The following C1QTNF3 variants were observed in gnomAD, a reference collection of about 807,000 sequenced individuals.
C1QTNF3 encodes the protein complement C1q tumor necrosis factor-related protein 3.
C1QTNF3 carries 26 observed loss-of-function variants against 32.6 expected under a neutral mutation model. The observed-to-expected ratio is 0.80, with a 90% confidence interval of 0.58 to 1.11. The LOEUF (loss-of-function observed/expected upper bound fraction) is 1.11. Among genes scored for constraint, C1QTNF3 ranks in the 50% least tolerant of loss-of-function variants. C1QTNF3 has a pLI of 0.00. For missense variants in C1QTNF3, 362 were observed against 398.2 expected, an observed-to-expected ratio of 0.91 and a Z score of 0.77; for synonymous variants, 155 against 146.0, an observed-to-expected ratio of 1.06 and a Z score of -0.44.
chr5:34,131,138 C>T, the C1QTNF3 span, among the ~76,000 whole-genome samples: 2 of 152,192 alleles, frequency 1.3e-5, no homozygotes, highest in Non-Finnish European at 2.9e-5. Context: ...GTCCCTACTT[C>T]TAAAATATAA....
chr5:34,210,871 T>A, the C1QTNF3 span, among the ~76,000 whole-genome samples: 1 of 152,130 alleles, frequency 6.6e-6, no homozygotes, highest in Non-Finnish European at 1.5e-5. Flanking sequence ...ACAGAATGTA[T>A]AACAATATAC....
the C1QTNF3 span, among the ~76,000 whole-genome samples, chr5:34,204,416 A>G: frequency 6.6e-6 from 1 of 152,256 alleles, no homozygotes; most frequent in Admixed American, 6.5e-5. Context: ...TCAGCTATAC[A>G]AAAGAATAAA....
chr5:34,223,617 C>A, the C1QTNF3 span, among the ~76,000 whole-genome samples: 3 of 151,934 alleles, frequency 2.0e-5, no homozygotes, highest in Non-Finnish European at 2.9e-5. Flanking sequence ...AATGGTCGAA[C>A]TAGTTTACAG....
the C1QTNF3 span, among the ~76,000 whole-genome samples, chr5:34,067,538 G>A: frequency 6.6e-6 from 1 of 152,160 alleles, no homozygotes; most frequent in East Asian, 1.9e-4. Context: ...TTGTGCAGGG[G>A]AATTCATCTT....
the C1QTNF3 span, among the ~76,000 whole-genome samples, chr5:34,226,207 T>C: frequency 0.031 from 4,766 of 151,984 alleles, 261 homozygotes; most frequent in African/African-American, 0.11. Context: ...ACCAAAAGCA[T>C]TGCTCCTTCA....
chr5:34,205,372 T>C, the C1QTNF3 span, among the ~76,000 whole-genome samples: 5 of 152,314 alleles, frequency 3.3e-5, no homozygotes, highest in African/African-American at 9.6e-5. Context: ...CTCAAACCTC[T>C]TGTCCAATTG....
the C1QTNF3 span, among the ~76,000 whole-genome samples, chr5:34,065,485 G>GCT: frequency 6.6e-6 from 1 of 152,088 alleles, no homozygotes; most frequent in African/African-American, 2.4e-5. Context: ...TGACCAACAA[G>GCT]GTGAAACCCC....
chr5:34,033,067 AG>A (rs1351337401), intron 3 of C1QTNF3: 14 of 447,010 alleles, frequency 3.1e-5, no homozygotes, highest in Middle Eastern at 5.6e-4. Flanking sequence ...TGGTTCTATG[AG>A]GGACTTAGAT....
At chr5:34,024,285 G>A (rs377300853) in intron 4 of C1QTNF3, 47 of 313,044 alleles carry the variant, frequency 1.5e-4, no homozygotes, top group African/African-American at 9.4e-4. Context: ...CTTGTACCCT[G>A]ACAAAGTGCT....
the C1QTNF3 span, among the ~76,000 whole-genome samples, chr5:34,216,077 G>T: frequency 2.0e-5 from 3 of 152,156 alleles, no homozygotes; most frequent in Admixed American, 2.0e-4. Flanking sequence ...TAACTGTGTG[G>T]ATAGTAAAAC....
the C1QTNF3 span, among the ~76,000 whole-genome samples, chr5:34,084,823 C>G: frequency 8.2e-6 from 1 of 122,198 alleles, no homozygotes; most frequent in Admixed American, 8.4e-5. Context: ...TTTTTCTGTG[C>G]AGAAGCTCTT....
At chr5:34,156,709 GA>G in the C1QTNF3 span, among the ~76,000 whole-genome samples, 1 of 152,058 alleles carries the variant, frequency 6.6e-6, no homozygotes, top group Non-Finnish European at 1.5e-5. Flanking sequence ...GTTGTGGGGG[GA>G]AATTATTGAC....
chr5:34,236,690 T>G, the C1QTNF3 span, among the ~76,000 whole-genome samples: 2 of 148,394 alleles, frequency 1.3e-5, no homozygotes, highest in Non-Finnish European at 3.0e-5. Context: ...TTCTCCTGCC[T>G]TAGCCTCCTG....
the C1QTNF3 span, among the ~76,000 whole-genome samples, chr5:34,163,279 C>T: frequency 6.6e-6 from 1 of 152,010 alleles, no homozygotes; most frequent in Non-Finnish European, 1.5e-5. Context: ...ACAACCCCCC[C>T]ATGACATGTG....
At chr5:34,085,139 T>C in the C1QTNF3 span, among the ~76,000 whole-genome samples, 3 of 149,738 alleles carry the variant, frequency 2.0e-5, 1 homozygote, top group African/African-American at 7.5e-5. Flanking sequence ...TACAGGCGCC[T>C]GCCACTACGC....
intron 1 of C1QTNF3, among the ~76,000 whole-genome samples, chr5:34,040,900 A>C (rs1754855755): frequency 6.6e-6 from 1 of 152,034 alleles, no homozygotes; most frequent in South Asian, 2.1e-4. Context: ...GTACTTTGAC[A>C]CTTTTGCCCA....
chr5:34,054,873 TATC>T, the C1QTNF3 span, among the ~76,000 whole-genome samples: 1 of 152,160 alleles, frequency 6.6e-6, no homozygotes, highest in Non-Finnish European at 1.5e-5. Context: ...CCTTTTTGAT[TATC>T]ATCATCACTA....
the C1QTNF3 span, among the ~76,000 whole-genome samples, chr5:34,117,432 C>T: frequency 1.3e-5 from 2 of 152,182 alleles, no homozygotes; most frequent in Non-Finnish European, 2.9e-5. Context: ...ACATAGTGGG[C>T]CCATAGGTGT....
At chr5:34,056,420 A>ATGTG in the C1QTNF3 span, among the ~76,000 whole-genome samples, 1,833 of 38,224 alleles carry the variant, frequency 0.048, 92 homozygotes, top group East Asian at 0.068. Context: ...ATGTATATGT[A>ATGTG]TGTGTGTGTG....
Sources: allele counts gnomAD v4.1 joint callset (sites outside exome capture counted in the v4.1 genomes callset), GRCh38; gene constraint gnomAD v4.1.1; transcripts MANE v1.5; gene names NCBI Gene and HGNC (gene_info 2026-07-23, HGNC 2026-07-21).